The following HSPB7 variants were observed in gnomAD, a reference collection of about 807,000 sequenced individuals.
The protein encoded by HSPB7 is heat shock protein family B (small) member 7.
A neutral mutation model predicts 11.0 loss-of-function variants in HSPB7; 9 were observed. The observed-to-expected ratio is 0.82, with a 90% confidence interval of 0.49 to 1.43. The LOEUF (loss-of-function observed/expected upper bound fraction) is 1.43. HSPB7 is among the 40% of genes most tolerant of loss of function. The pLI is 0.00. For missense variants in HSPB7, 246 were observed against 243.9 expected (o/e 1.01, Z -0.06); for synonymous variants, 102 against 101.6 (o/e 1.00, Z -0.02).
chr1:16,018,600 C>A, upstream of HSPB7: 1 of 1,043,660 alleles, frequency 9.6e-7, no homozygotes, highest in Middle Eastern at 4.6e-4. Flanking sequence ...TGCCAGCCCC[C>A]ATGGGGACCT....
At chr1:16,019,373 A>C (rs2021977386), upstream of HSPB7, 1 of 1,479,546 alleles carries the variant, frequency 6.8e-7, no homozygotes, top group Non-Finnish European at 9.2e-7. Context: ...TGGCAGTGTG[A>C]CATAGTCTTC....
chr1:16,017,262 G>C (rs775278737), intron 1 of HSPB7, 55 bp from the exon 2 acceptor site: 48 of 1,587,058 alleles, frequency 3.0e-5, no homozygotes, highest in Non-Finnish European at 3.9e-5. Flanking sequence ...ATGCAGATCC[G>C]GGGGTTCTGG....
In HSPB7 at chr1:16,017,087, A is replaced by G; in HGVS notation, c.320T>C (p.Val107Ala). Residue 107 changes from valine to alanine, a missense_variant, in exon 2 of 3, where the codon GTG becomes GCG. Coordinates refer to ENST00000311890, the MANE Select transcript of HSPB7 (RefSeq NM_014424.5). Reference protein sequence around the residue: ...IVTTSNNHIEVRAEKLAADGT... With the variant: ...IVTTSNNHIEARAEKLAADGT... ...TGGGGGGCTCACCTTCTCAGCCCGC[A>G]CCTCGATGTGGTTGTTGGAGGTGGT... is the stretch of plus-strand genomic sequence containing the variant. 1 of 1,610,392 alleles carries G rather than the reference A, an allele frequency of 6.2e-7. No homozygotes were observed. Among genetic ancestry groups the G allele is most frequent in the Non-Finnish European group, 8.5e-7 (1 of 1,177,200 alleles).
At chr1:16,019,028 A>G, upstream of HSPB7, 1 of 1,124,474 alleles carries the variant, frequency 8.9e-7, no homozygotes, top group Non-Finnish European at 1.2e-6. Context: ...AAAGCCCTTC[A>G]GAGGCCGAGG....
rs2021640274 is a variant in HSPB7 at position 16,015,589 on chromosome 1, G to T, written c.504C>A (p.Ile168=). Residue 168 remains isoleucine (I), a synonymous_variant, in exon 3 of 3, where the codon ATC becomes ATA. Coordinates refer to ENST00000311890, the MANE Select transcript of HSPB7 (RefSeq NM_014424.5). This position sits in a 1 kb window ranked among gnomAD's most constrained non-coding sequence, Gnocchi z 4.9. ...GGGAAGGGAGAGGCACTCAGATTTT[G>T]ATCTCCGTCCGGAAGGTCTGCTGGA... The part of the protein sequence containing the change: ...EHVQQTFRTE[I]KI 1 of 1,614,006 alleles carries T rather than the reference G, an allele frequency of 6.2e-7. No individual in the cohort carries two copies. The highest frequency in any genetic ancestry group is 8.5e-7 in the Non-Finnish European group (1 of 1,179,940).
Position 16,015,700 on chromosome 1 carries a change from G to A in HSPB7, c.393C>T (p.Asp131=), listed in dbSNP as rs763032522. ...TFAHKCQLPE[D]VDPTSVTSAL... is the part of the protein sequence containing the mutation. Reference sequence around the variant, plus strand: ...CCGAGGTCACCGACGTCGGGTCCACGTCCTCCGGCAGCTGGCACTTGTGAG... The same window carrying A: ...CCGAGGTCACCGACGTCGGGTCCACATCCTCCGGCAGCTGGCACTTGTGAG... Residue 131 remains aspartate (D), a synonymous_variant, in exon 3 of 3, where the codon GAC becomes GAT. Transcript: ENST00000311890. This position sits in a 1 kb window ranked among gnomAD's most constrained non-coding sequence, Gnocchi z 4.9. 1.1e-5 allele frequency: 17 copies of A among 1,612,122 alleles called. No individual in the cohort carries two copies. In the South Asian group the frequency reaches 1.1e-4, roughly 10 times the overall value.
Position 16,015,513 on chromosome 1 carries a change from A to T in HSPB7, c.*67T>A. 1 of 1,490,028 alleles carries T rather than the reference A, an allele frequency of 6.7e-7. No homozygotes were observed. Among genetic ancestry groups the T allele is most frequent in the Non-Finnish European group, 9.3e-7 (1 of 1,074,368 alleles). The allele number at this position is 1,490,028 out of a possible 1,614,324, so 92.3% of individuals were successfully genotyped here. On this transcript the variant is annotated 3_prime_UTR_variant, in exon 3 of 3. Coordinates refer to ENST00000311890, the MANE Select transcript of HSPB7 (RefSeq NM_014424.5). The surrounding 1 kb of genome is among the most constrained non-coding windows in gnomAD (Gnocchi z 4.9). ...GCTGAGATGTCCTGGAGCTGTTGTA[A>T]TGGGGTTAGCGAGGCTTTGCTGGCA...
upstream of HSPB7, chr1:16,018,169 G>T: frequency 6.5e-7 from 1 of 1,531,498 alleles, no homozygotes; most frequent in Non-Finnish European, 8.8e-7. Context: ...TCTCCCGTGC[G>T]CCGGCCCTGC....
chr1:16,017,020 A>G, intron 2 of HSPB7, 54 bp downstream of exon 2: 2 of 1,567,026 alleles, frequency 1.3e-6, no homozygotes, highest in Non-Finnish European at 1.7e-6. Flanking sequence ...AGTAGGAGAC[A>G]TTGGAGGCAG....
upstream of HSPB7, chr1:16,019,124 T>G: frequency 6.5e-7 from 1 of 1,540,956 alleles, no homozygotes; most frequent in African/African-American, 1.4e-5. Flanking sequence ...TCAGCAAAGC[T>G]GGGACTGACC....
chr1:16,017,011 G>A (rs1050437334), intron 2 of HSPB7, 63 bp downstream of exon 2: 2 of 1,531,382 alleles, frequency 1.3e-6, no homozygotes, highest in Non-Finnish European at 9.0e-7. Context: ...GTAAGGGGGA[G>A]TAGGAGACAT....
At chr1:16,018,433 C>G, upstream of HSPB7, 3 of 1,163,728 alleles carry the variant, frequency 2.6e-6, no homozygotes, top group South Asian at 5.2e-5. Context: ...GCTGTACCTC[C>G]TCCATCAGTG....
intron 1 of HSPB7, 39 bp downstream of exon 1, chr1:16,017,726 C>G: frequency 6.6e-7 from 1 of 1,509,734 alleles, no homozygotes; most frequent in Non-Finnish European, 8.9e-7. Context: ...CGTCCCCTCC[C>G]TGTGCACCTC....
At chr1:16,018,211 A>T (rs2021916780), upstream of HSPB7, 1 of 1,491,694 alleles carries the variant, frequency 6.7e-7, no homozygotes, top group Non-Finnish European at 9.0e-7. Flanking sequence ...GAGAGGGCTG[A>T]GCTCACAGCC....
rs747241805 is a variant in HSPB7 at position 16,017,753 on chromosome 1, C to T, written c.199+12G>A. The T allele has an allele frequency of 6.3e-6, 10 of 1,574,836 alleles. No homozygotes were observed. Among genetic ancestry groups the T allele is most frequent in the East Asian group, 2.3e-5 (1 of 43,008 alleles). ...GTGCACCTCCCCTCCCCTCAGGGCCCGGATCACTTGCCTGGGAAGGCCAGG... is the reference window on the plus strand; with the variant it reads ...GTGCACCTCCCCTCCCCTCAGGGCCTGGATCACTTGCCTGGGAAGGCCAGG... On this transcript the variant is annotated intron_variant, in intron 1 of 2. Coordinates refer to ENST00000311890, the MANE Select transcript of HSPB7 (RefSeq NM_014424.5).
At chr1:16,018,578 G>A, upstream of HSPB7, 1 of 1,050,646 alleles carries the variant, frequency 9.5e-7, no homozygotes, top group South Asian at 3.1e-5. Context: ...TGTAAAATGT[G>A]CAGCTGTCCC....
chr1:16,017,079 C>T lies in HSPB7; in HGVS notation c.328G>A (p.Glu110Lys). Residue 110 changes from glutamate (E) to lysine (K), a missense_variant, in exon 2 of 3, where the codon GAG becomes AAG. Physicochemically the swap from Glu to Lys is moderately conservative, Grantham distance 56 (BLOSUM62 1). Transcript: ENST00000311890. ...GTAGGGGGTGGGGGGCTCACCTTCT[C>T]AGCCCGCACCTCGATGTGGTTGTTG... is the stretch of plus-strand genomic sequence containing the variant. ...TSNNHIEVRA[E>K]KLAADGTVMN... The T allele has an allele frequency of 6.2e-7, 1 of 1,608,908 alleles. No individual in the cohort carries two copies. Among genetic ancestry groups the T allele is most frequent in the Non-Finnish European group, 8.5e-7 (1 of 1,175,828 alleles).
At chr1:16,018,493 G>A (rs1257079674), upstream of HSPB7, 8 of 1,111,580 alleles carry the variant, frequency 7.2e-6, 1 homozygote, top group South Asian at 8.5e-5. Flanking sequence ...GCTCTGTGAC[G>A]TCAGGAGCTC....
Position 16,017,280 on chromosome 1 carries a change from T to A in HSPB7, c.200-73A>T, listed in dbSNP as rs1461555600. 1.9e-6 allele frequency: 3 copies of A among 1,572,458 alleles called. No individual in the cohort carries two copies. The African/African-American group carries it at 4.1e-5, about 21-fold the overall frequency. On this transcript the variant is annotated intron_variant, in intron 1 of 2. Transcript: ENST00000311890. ...CAGATCCGGGGGTTCTGGCTCCTTC[T>A]CTTGGGGCAAGGGGCGGCTCCCCCA... is the stretch of plus-strand genomic sequence containing the variant.
Sources: gnomAD v4.1 joint callset for allele counts on GRCh38, gnomAD v4.1.1 for gene constraint, Gnocchi (gnomAD v3.1) non-coding constraint, MANE v1.5 for transcripts, NCBI Gene and HGNC (gene_info 2026-07-23, HGNC 2026-07-21) for gene names.